The following PDE4D variants were observed in gnomAD, a reference collection of about 807,000 sequenced individuals.
PDE4D encodes phosphodiesterase 4D.
Under a neutral mutation model 87.4 loss-of-function variants are expected in PDE4D, and 24 were observed. That is an observed-to-expected ratio of 0.27 (90% CI 0.20 to 0.39). The LOEUF is 0.39. PDE4D is among the 10% of genes least tolerant of loss of function. The pLI is 1.00. For synonymous variants in PDE4D, 384 were observed against 383.2 expected (o/e 1.00, Z -0.02); for missense variants, 714 against 1,041.0 (o/e 0.69, Z 4.32).
At chr5:59,162,107 G>T (rs903261169) in intron 5 of PDE4D, among the ~76,000 whole-genome samples, 3 of 152,186 alleles carry the variant, frequency 2.0e-5, no homozygotes, top group Non-Finnish European at 4.4e-5. Context: ...CTTTCATCCA[G>T]TGATACCAAA....
intron 1 of PDE4D, among the ~76,000 whole-genome samples, chr5:60,273,911 A>G (rs927965128): frequency 3.5e-4 from 53 of 152,260 alleles, no homozygotes; most frequent in Admixed American, 1.7e-3. Flanking sequence ...CCACGGAGTG[A>G]TCAATACATG....
intron 2 of PDE4D, among the ~76,000 whole-genome samples, chr5:60,035,692 C>T (rs1344626033): frequency 1.3e-5 from 2 of 152,044 alleles, no homozygotes; most frequent in Non-Finnish European, 2.9e-5. Flanking sequence ...GGGTGGCCAC[C>T]CCTCCTCCCA....
Position 60,268,122 on chromosome 5 carries a change from A to T in PDE4D, c.-89-82435T>A, listed in dbSNP as rs533889644. Among the ~76,000 whole-genome samples the T allele has an allele frequency of 3.3e-5, 5 of 152,320 alleles. No homozygotes were observed. The East Asian group carries it at 9.6e-4, about 29-fold the overall frequency. ...AGCACAATGAAAAATTCTAGAGCAG[A>T]CAGATGCCTCATTCCTGTTACCACC... On this transcript the variant is annotated intron_variant, in intron 1 of 16. Transcript: ENST00000502484.
rs913084922 is a variant in PDE4D at position 60,092,008 on chromosome 5, G to C, written c.42+93549C>G. Reference sequence around the variant, plus strand: ...GGAGCTTGCAGTGAGTCGAGATCGCGCCACTGCGCTCCAGCCTGGGCGACA... The same window carrying C: ...GGAGCTTGCAGTGAGTCGAGATCGCCCCACTGCGCTCCAGCCTGGGCGACA... On this transcript the variant is annotated intron_variant, in intron 2 of 16. Coordinates refer to the PDE4D transcript ENST00000502484. Among the ~76,000 whole-genome samples the C allele has an allele frequency of 3.8e-3, 491 of 129,254 alleles. 2 individuals carry two copies. Among genetic ancestry groups the C allele is most frequent in the African/African-American group, 0.014 (474 of 33,470 alleles). The allele number at this position is 129,254 out of a possible 152,430, so 84.8% of individuals were successfully genotyped here. A position where few individuals can be genotyped will look rare whatever the true frequency, so the allele number is the denominator to read the frequency against.
intron 2 of PDE4D, among the ~76,000 whole-genome samples, chr5:60,069,910 T>C (rs1772524755): frequency 2.6e-5 from 4 of 152,164 alleles, no homozygotes; most frequent in Admixed American, 6.6e-5. Flanking sequence ...TTTAGGTGTA[T>C]TACTAAATTA....
chr5:59,324,211 T>C (rs1439259618), intron 1 of PDE4D, among the ~76,000 whole-genome samples: 5 of 152,182 alleles, frequency 3.3e-5, no homozygotes, highest in African/African-American at 2.4e-5. Context: ...TCCTACAGCA[T>C]CCTGCATTTA....
chr5:59,375,549 G>A (rs1051769749), intron 1 of PDE4D, among the ~76,000 whole-genome samples: 5 of 152,034 alleles, frequency 3.3e-5, no homozygotes, highest in Non-Finnish European at 7.4e-5. Flanking sequence ...GTAATAAATA[G>A]CCTACCAACC....
chr5:60,495,890 A>C (rs1749790389), intron 1 of PDE4D, among the ~76,000 whole-genome samples: 1 of 152,236 alleles, frequency 6.6e-6, no homozygotes, highest in African/African-American at 2.4e-5. Context: ...AAAACACTCA[A>C]AATATTGCCA....
At chr5:59,162,015 T>C (rs539973948) in intron 5 of PDE4D, among the ~76,000 whole-genome samples, 1 of 152,336 alleles carries the variant, frequency 6.6e-6, no homozygotes, top group African/African-American at 2.4e-5. Flanking sequence ...TGAAAGCAGA[T>C]TGGACTACAT....
At chr5:59,008,206 T>A (rs544650964) in intron 6 of PDE4D, among the ~76,000 whole-genome samples, 1 of 152,156 alleles carries the variant, frequency 6.6e-6, no homozygotes, top group South Asian at 2.1e-4. Context: ...TAATCTTGTA[T>A]GAAAAAGTAT....
intron 1 of PDE4D, among the ~76,000 whole-genome samples, chr5:60,261,107 T>C (rs902540619): frequency 3.9e-5 from 6 of 152,178 alleles, no homozygotes; most frequent in Non-Finnish European, 5.9e-5. Flanking sequence ...TATTGAATTC[T>C]TTGCTAGAGA....
At chr5:59,675,136 T>G (rs187766977) in intron 1 of PDE4D, among the ~76,000 whole-genome samples, 1 of 152,172 alleles carries the variant, frequency 6.6e-6, no homozygotes, top group East Asian at 1.9e-4. Flanking sequence ...TAGAGAAAAT[T>G]TAGAAAAAGT....
At chr5:59,797,923 T>C (rs551588278) in intron 1 of PDE4D, among the ~76,000 whole-genome samples, 2 of 152,172 alleles carry the variant, frequency 1.3e-5, no homozygotes, top group African/African-American at 2.4e-5. Flanking sequence ...GGCTACTATA[T>C]GGAATTTCTA....
intron 2 of PDE4D, among the ~76,000 whole-genome samples, chr5:59,196,446 G>T (rs1345843859): frequency 2.0e-5 from 3 of 152,134 alleles, no homozygotes; most frequent in Non-Finnish European, 4.4e-5. Context: ...TTTCTTCCTT[G>T]GCCCATCATT....
chr5:59,198,815 A>G (rs1746071401), intron 2 of PDE4D, among the ~76,000 whole-genome samples: 1 of 152,214 alleles, frequency 6.6e-6, no homozygotes, highest in Non-Finnish European at 1.5e-5. Context: ...AACAGAAACA[A>G]GCAAGAAACT....
At chr5:59,260,937 C>CAA (rs3061504) in intron 1 of PDE4D, among the ~76,000 whole-genome samples, 127 of 138,472 alleles carry the variant, frequency 9.2e-4, no homozygotes, top group African/African-American at 1.6e-3. Context: ...CAATATACAC[C>CAA]AAAAAAAAAA....
chr5:59,667,425 C>A (rs1024530123), intron 1 of PDE4D, among the ~76,000 whole-genome samples: 2 of 152,114 alleles, frequency 1.3e-5, no homozygotes, highest in Non-Finnish European at 2.9e-5. Flanking sequence ...GATCCTCCCA[C>A]CTCAGCCTCC....
At chr5:59,716,586 G>A (rs1266967447) in intron 1 of PDE4D, among the ~76,000 whole-genome samples, 1 of 152,154 alleles carries the variant, frequency 6.6e-6, no homozygotes, top group Non-Finnish European at 1.5e-5. Context: ...TTCAACCTCT[G>A]GTCACGGACC....
chr5:59,544,252 A>G (rs1260836002), intron 1 of PDE4D, among the ~76,000 whole-genome samples: 4 of 152,204 alleles, frequency 2.6e-5, no homozygotes, highest in Non-Finnish European at 5.9e-5. Context: ...GAATTACCCA[A>G]TTGACGCTAG....
Sources: gnomAD v4.1 joint callset for allele counts (sites outside exome capture counted in the v4.1 genomes callset) on GRCh38, gnomAD v4.1.1 for gene constraint, MANE v1.5 for transcripts, NCBI Gene and HGNC (gene_info 2026-07-23, HGNC 2026-07-21) for gene names.